The following GALNT13 variants were observed in gnomAD, a reference collection of about 807,000 sequenced individuals.
GALNT13 encodes the protein UDP-GalNAc:polypeptide N-acetylgalactosaminyltransferase 13.
Under a neutral mutation model 64.2 loss-of-function variants are expected in GALNT13, and 28 were observed. The ratio of observed to expected loss-of-function variants is 0.44; its 90% CI spans 0.32 to 0.60. The LOEUF (loss-of-function observed/expected upper bound fraction) is 0.60, where lower values mean the gene tolerates loss of function less well. GALNT13 is among the 20% of genes least tolerant of loss of function. The pLI is 0.05. For missense variants in GALNT13, 577 were observed against 669.8 expected, an observed-to-expected ratio of 0.86 and a Z score of 1.53; for synonymous variants, 214 against 224.6, an observed-to-expected ratio of 0.95 and a Z score of 0.42.
chr2:153,081,583 G>T, the GALNT13 span, among the ~76,000 whole-genome samples: 1 of 152,016 alleles, frequency 6.6e-6, no homozygotes, highest in Non-Finnish European at 1.5e-5. Context: ...AAGGTTCTGA[G>T]CTTTATATCC....
intron 9 of GALNT13, among the ~76,000 whole-genome samples, chr2:154,387,035 T>C (rs1698546160): frequency 2.0e-5 from 3 of 152,116 alleles, no homozygotes. Flanking sequence ...TAAAATAAAA[T>C]TGTGGTAATA....
the GALNT13 span, among the ~76,000 whole-genome samples, chr2:153,716,200 A>G: frequency 6.6e-6 from 1 of 152,218 alleles, no homozygotes; most frequent in Non-Finnish European, 1.5e-5. Context: ...ACTTAGTTCC[A>G]TGGAAGAGCT....
At chr2:153,237,084 CTAGAAT>C in the GALNT13 span, among the ~76,000 whole-genome samples, 1 of 152,014 alleles carries the variant, frequency 6.6e-6, no homozygotes, top group Non-Finnish European at 1.5e-5. Context: ...AGCAAAAGAA[CTAGAAT>C]TAGAAGTGGA....
chr2:154,413,054 C>T (rs561687797), intron 11 of GALNT13, among the ~76,000 whole-genome samples: 2 of 151,846 alleles, frequency 1.3e-5, no homozygotes, highest in Non-Finnish European at 2.9e-5. Flanking sequence ...CTTCTCTGTA[C>T]TTCTGAAAGA....
chr2:153,577,641 A>G, the GALNT13 span, among the ~76,000 whole-genome samples: 7 of 152,082 alleles, frequency 4.6e-5, no homozygotes, highest in African/African-American at 1.7e-4. Flanking sequence ...ACATATATTT[A>G]CAAAAGGTAC....
the GALNT13 span, among the ~76,000 whole-genome samples, chr2:153,331,241 A>G: frequency 7.7e-6 from 1 of 130,016 alleles, no homozygotes; most frequent in African/African-American, 2.8e-5. Context: ...TTTTTTTTTC[A>G]TCATGTCTTT....
chr2:153,179,038 C>T, the GALNT13 span, among the ~76,000 whole-genome samples: 1 of 152,046 alleles, frequency 6.6e-6, no homozygotes, highest in Admixed American at 6.6e-5. Context: ...CCACCGCACC[C>T]AGCCACAATC....
chr2:154,162,885 C>G (rs1236635930), intron 4 of GALNT13, among the ~76,000 whole-genome samples: 2 of 151,426 alleles, frequency 1.3e-5, no homozygotes, highest in Non-Finnish European at 2.9e-5. Flanking sequence ...TGGAAGTCCA[C>G]AGTAGTGAGC....
chr2:153,614,075 TGGAA>T, the GALNT13 span, among the ~76,000 whole-genome samples: 1 of 151,986 alleles, frequency 6.6e-6, no homozygotes, highest in East Asian at 1.9e-4. Context: ...TGGCTATTAC[TGGAA>T]GGAACTATAA....
chr2:154,055,755 T>C (rs1343128906), intron 3 of GALNT13, among the ~76,000 whole-genome samples: 2 of 152,116 alleles, frequency 1.3e-5, no homozygotes, highest in African/African-American at 4.8e-5. Flanking sequence ...TTAAATTATA[T>C]GGTTTTCTCG....
At chr2:153,566,001 G>A in the GALNT13 span, among the ~76,000 whole-genome samples, 1 of 152,058 alleles carries the variant, frequency 6.6e-6, no homozygotes, top group African/African-American at 2.4e-5. Context: ...TTTTGATATA[G>A]TTGTATTTCT....
the GALNT13 span, among the ~76,000 whole-genome samples, chr2:153,253,675 T>G: frequency 2.0e-5 from 3 of 147,116 alleles, no homozygotes; most frequent in African/African-American, 7.6e-5. Flanking sequence ...GTTTTTAGCA[T>G]GAAGGGTTGT....
At chr2:154,214,889 C>T (rs1019234788) in intron 4 of GALNT13, among the ~76,000 whole-genome samples, 1 of 152,154 alleles carries the variant, frequency 6.6e-6, no homozygotes, top group African/African-American at 2.4e-5. Flanking sequence ...CCCTTAAGAG[C>T]AGTCTGTTTC....
the GALNT13 span, among the ~76,000 whole-genome samples, chr2:153,144,205 C>T: frequency 1.3e-5 from 2 of 151,760 alleles, no homozygotes; most frequent in African/African-American, 4.8e-5. Context: ...GTTTATTTGC[C>T]TTGAAGTAAT....
chr2:153,702,506 G>A, the GALNT13 span, among the ~76,000 whole-genome samples: 3 of 152,118 alleles, frequency 2.0e-5, no homozygotes, highest in South Asian at 6.2e-4. Context: ...GGCCCGTATG[G>A]TAAATAAAAA....
the GALNT13 span, among the ~76,000 whole-genome samples, chr2:153,652,369 C>T: frequency 6.6e-6 from 1 of 152,016 alleles, no homozygotes; most frequent in South Asian, 2.1e-4. Context: ...GCCTGTAATC[C>T]CAGCACCTTG....
At chr2:153,630,218 A>G in the GALNT13 span, among the ~76,000 whole-genome samples, 1 of 152,088 alleles carries the variant, frequency 6.6e-6, no homozygotes, top group Non-Finnish European at 1.5e-5. Flanking sequence ...TTGCAGCACT[A>G]TTCACAATAG....
the GALNT13 span, among the ~76,000 whole-genome samples, chr2:153,540,630 G>A: frequency 6.6e-6 from 1 of 152,210 alleles, no homozygotes; most frequent in Non-Finnish European, 1.5e-5. Context: ...GTATCCTACT[G>A]AGCCGCAGGG....
chr2:153,936,134 C>A (rs998259425), intron 2 of GALNT13, among the ~76,000 whole-genome samples: 1 of 152,086 alleles, frequency 6.6e-6, no homozygotes, highest in Non-Finnish European at 1.5e-5. Context: ...ATTCAAGTAA[C>A]CTTGGATTGA....
Sources: gnomAD v4.1 joint callset for allele counts (sites outside exome capture counted in the v4.1 genomes callset) on GRCh38, gnomAD v4.1.1 for gene constraint, MANE v1.5 for transcripts, NCBI Gene and HGNC (gene_info 2026-07-23, HGNC 2026-07-21) for gene names.